CHD7: variants seen among roughly 807,000 people sequenced by gnomAD.
The protein encoded by CHD7 is ATP-dependent chromatin remodeler CHD7.
In CHD7, 24 loss-of-function variants were observed where a neutral mutation model predicts 307.3. That is an observed-to-expected ratio of 0.08 (90% CI 0.06 to 0.11). The LOEUF is 0.11. Among genes scored for constraint, CHD7 ranks in the 10% least tolerant of loss-of-function variants. The probability of loss-of-function intolerance (pLI) is 1.00; values close to 1 mark genes in which losing one functional copy is unlikely to be tolerated. For missense variants in CHD7, 3,106 were observed against 3,727.1 expected (o/e 0.83, Z 4.34); for synonymous variants, 1,363 against 1,349.9 (o/e 1.01, Z -0.21).
In CHD7 at chr8:60,866,683, G is replaced by A. The variant is rs1023364450; in HGVS notation, c.*750G>A. 37 of 152,542 alleles carry A rather than the reference G, an allele frequency of 2.4e-4. No individual in the cohort carries two copies. Among genetic ancestry groups the A allele is most frequent in the African/African-American group, 6.5e-4 (27 of 41,410 alleles). 9.4% of individuals were successfully genotyped at this position (152,542 alleles called of 1,614,324 possible). A position where few individuals can be genotyped will look rare whatever the true frequency, so the allele number is the denominator to read the frequency against. ...AATCAGGTACCTTTTTTAAATTAAAGGACTTTGTTACTTTAGCCACAAAGC... is the reference window on the plus strand; with the variant it reads ...AATCAGGTACCTTTTTTAAATTAAAAGACTTTGTTACTTTAGCCACAAAGC... On this transcript the variant is annotated 3_prime_UTR_variant, in exon 38 of 38. Coordinates refer to ENST00000423902, the MANE Select transcript of CHD7 (RefSeq NM_017780.4).
intron 1 of CHD7, among the ~76,000 whole-genome samples, chr8:60,707,721 A>C (rs888178759): frequency 6.6e-6 from 1 of 152,208 alleles, no homozygotes; most frequent in Non-Finnish European, 1.5e-5. Flanking sequence ...TTGAGGGTAA[A>C]AGAAATCTTT....
At chr8:60,733,640 A>G (rs918390345) in intron 1 of CHD7, among the ~76,000 whole-genome samples, 17 of 152,202 alleles carry the variant, frequency 1.1e-4, no homozygotes, top group Non-Finnish European at 1.8e-4. Flanking sequence ...ATGGGGTAAT[A>G]TACTCCTTTT....
At chr8:60,759,966 C>G (rs936160019) in intron 2 of CHD7, among the ~76,000 whole-genome samples, 1 of 152,102 alleles carries the variant, frequency 6.6e-6, no homozygotes, top group African/African-American at 2.4e-5. Flanking sequence ...ATTTTTCTTG[C>G]TGCCAGGAAG....
chr8:60,865,075 G>T lies in CHD7; in HGVS notation c.8136G>T (p.Glu2712Asp). The T allele has an allele frequency of 6.2e-7, 1 of 1,610,018 alleles. No individual in the cohort carries two copies. Among genetic ancestry groups the T allele is most frequent in the Non-Finnish European group, 8.5e-7 (1 of 1,178,084 alleles). Residue 2712 changes from glutamate to aspartate, a missense_variant, in exon 38 of 38, where the codon GAG becomes GAT. Around this residue, in one of 10 missense-constraint regions of CHD7, gnomAD observed 351 missense variants for 366.2 expected, o/e 0.96. Coordinates refer to ENST00000423902, the MANE Select transcript of CHD7 (RefSeq NM_017780.4). This position sits in a 1 kb window ranked among gnomAD's most constrained non-coding sequence, Gnocchi z 4.3. ...TCACTGGGCCTGTAGTGCGGGGAGA[G>T]GGAGCGAGCAGAAGAGGAAGAAGGC... is the stretch of plus-strand genomic sequence containing the variant. Reference protein sequence around the residue: ...RLLTGPVVRGEGASRRGRRPK... With the variant: ...RLLTGPVVRGDGASRRGRRPK...
At chr8:60,749,602 C>CT (rs1302566575) in intron 2 of CHD7, among the ~76,000 whole-genome samples, 3 of 99,924 alleles carry the variant, frequency 3.0e-5, no homozygotes, top group Non-Finnish European at 8.0e-5. Context: ...CAAAATGTCT[C>CT]TAAAAAAAAA....
In CHD7 at chr8:60,742,039, C is replaced by T; in HGVS notation, c.607C>T (p.His203Tyr). 6.2e-7 allele frequency: 1 copy of T among 1,613,866 alleles called. No homozygotes were observed. ...ACGTGGGGATTTTTCCATGCAGCAG[C>T]ATGGTCAGCCACAGCAGAGGATGAG... ...MARGDFSMQQ[H>Y]GQPQQRMSQF... Residue 203 changes from histidine to tyrosine, a missense_variant, in exon 2 of 38, where the codon CAT becomes TAT. By Grantham distance (83) the His-to-Tyr change is moderately conservative. Transcript: ENST00000423902.
intron 1 of CHD7, among the ~76,000 whole-genome samples, chr8:60,717,280 C>T (rs1333862065): frequency 6.6e-6 from 1 of 152,098 alleles, no homozygotes; most frequent in South Asian, 2.1e-4. Context: ...TGGTGTTTTC[C>T]ATTTAGTTAT....
chr8:60,753,182 T>G (rs1053595341), intron 2 of CHD7, among the ~76,000 whole-genome samples: 1 of 152,196 alleles, frequency 6.6e-6, no homozygotes, highest in Non-Finnish European at 1.5e-5. Context: ...TAAGTAGTAT[T>G]TCATTTTTGT....
intron 4 of CHD7, among the ~76,000 whole-genome samples, chr8:60,797,721 A>G (rs1812099443): frequency 6.6e-6 from 1 of 152,254 alleles, no homozygotes; most frequent in South Asian, 2.1e-4. Context: ...GAAATACAAC[A>G]TGTTATGCTA....
intron 6 of CHD7, among the ~76,000 whole-genome samples, chr8:60,806,179 G>A (rs564892124): frequency 5.1e-4 from 78 of 152,230 alleles, no homozygotes; most frequent in Middle Eastern, 3.4e-3. Flanking sequence ...TGTCTAACAC[G>A]GTGAAACCCC....
intron 2 of CHD7, among the ~76,000 whole-genome samples, chr8:60,777,538 A>G (rs1331018491): frequency 6.6e-6 from 1 of 152,194 alleles, no homozygotes; most frequent in Non-Finnish European, 1.5e-5. Context: ...TCTTCTATGC[A>G]TTTTGGGTTG....
At chr8:60,801,647 A>G in intron 6 of CHD7, 54 bp downstream of exon 6, 6 of 1,116,616 alleles carry the variant, frequency 5.4e-6, no homozygotes, top group Non-Finnish European at 7.8e-6. Context: ...CTCTTACAGG[A>G]TTGTTGGCTT....
In CHD7 at chr8:60,742,216, A is replaced by C. The variant is rs1174730803; in HGVS notation, c.784A>C (p.Thr262Pro). 1 of 1,613,320 alleles carries C rather than the reference A, an allele frequency of 6.2e-7. No individual in the cohort carries two copies. The highest frequency in any genetic ancestry group is 8.5e-7 in the Non-Finnish European group (1 of 1,179,778). The part of the protein sequence containing the change: ...SVQQFHHHPS[T>P]ALHGESVAHS... ...GCAGCAGTTCCATCACCACCCCTCT[A>C]CTGCTCTCCATGGAGAATCCGTTGC... The change falls in exon 2 of 38, where the codon ACT (threonine) becomes CCT (proline). Residue 262 changes from threonine (T) to proline (P), a missense_variant. Around this residue, in one of 10 missense-constraint regions of CHD7, gnomAD observed 998 missense variants for 1,004.5 expected, o/e 0.99. Transcript: ENST00000423902.
chr8:60,711,772 G>A (rs1335954693), intron 1 of CHD7, among the ~76,000 whole-genome samples: 1 of 152,206 alleles, frequency 6.6e-6, no homozygotes, highest in Non-Finnish European at 1.5e-5. Flanking sequence ...TTAGAGTGAG[G>A]TATTAGGAAG....
chr8:60,755,536 T>C (rs1324672490), intron 2 of CHD7, among the ~76,000 whole-genome samples: 1 of 152,066 alleles, frequency 6.6e-6, no homozygotes, highest in Admixed American at 6.5e-5. Flanking sequence ...TTTTTAACAA[T>C]ATTTTAATGT....
chr8:60,789,726 A>G lies in CHD7; in HGVS notation c.2097-5260A>G, dbSNP rs137875720. ...GTATCAAGCTTTGTTTAGAAAGCCA[A>G]CAGAAGGAATTGGTTATCTATACTG... On this transcript the variant is annotated intron_variant, in intron 3 of 37. Coordinates refer to ENST00000423902, the MANE Select transcript of CHD7 (RefSeq NM_017780.4). 3.5e-3 allele frequency among the ~76,000 whole-genome samples: 535 copies of G among 152,380 alleles called. 7 individuals carry two copies. Among genetic ancestry groups the G allele is most frequent in the African/African-American group, 0.012 (509 of 41,588 alleles).
intron 1 of CHD7, among the ~76,000 whole-genome samples, chr8:60,695,505 C>G (rs1373298328): frequency 2.6e-5 from 4 of 152,212 alleles, no homozygotes; most frequent in Admixed American, 6.5e-5. Context: ...AGTTTATCAT[C>G]TTAGCATACT....
At chr8:60,754,436 A>G (rs965011267) in intron 2 of CHD7, among the ~76,000 whole-genome samples, 2 of 152,206 alleles carry the variant, frequency 1.3e-5, no homozygotes, top group African/African-American at 4.8e-5. Flanking sequence ...TATTTTAACT[A>G]CTGTTGTAGT....
At chr8:60,694,914 A>G (rs1390747683) in intron 1 of CHD7, among the ~76,000 whole-genome samples, 1 of 152,214 alleles carries the variant, frequency 6.6e-6, no homozygotes, top group African/African-American at 2.4e-5. Flanking sequence ...TTGAAAGGTT[A>G]GTTTGGCAGC....
Sources: gnomAD v4.1 joint callset for allele counts (sites outside exome capture counted in the v4.1 genomes callset) on GRCh38, gnomAD v4.1.1 for gene constraint, gnomAD v4.1.1 regional missense constraint, Gnocchi (gnomAD v3.1) non-coding constraint, MANE v1.5 for transcripts, NCBI Gene and HGNC (gene_info 2026-07-23, HGNC 2026-07-21) for gene names.